VIM: variants seen among roughly 807,000 people sequenced by gnomAD.
VIM encodes the protein epididymis secretory sperm binding protein.
In VIM, 18 loss-of-function variants were observed where a neutral mutation model predicts 50.3. The ratio of observed to expected loss-of-function variants is 0.36; its 90% CI spans 0.25 to 0.53. VIM has a LOEUF of 0.53. Among genes scored for constraint, VIM ranks in the 20% least tolerant of loss-of-function variants. VIM has a pLI of 0.91. For missense variants in VIM, 551 were observed against 614.7 expected, an observed-to-expected ratio of 0.90 and a Z score of 1.10; for synonymous variants, 245 against 248.5, an observed-to-expected ratio of 0.99 and a Z score of 0.13.
In VIM at chr10:17,235,381, G is replaced by A. The variant is rs150986868; in HGVS notation, c.1221G>A (p.Glu407=). ...IATYRKLLEG[E]ESRISLPLPN... ...CCTACAGGAAGCTGCTGGAAGGCGAGGAGAGCAGGTAGGGAACTCAGACTT... is the reference window on the plus strand; with the variant it reads ...CCTACAGGAAGCTGCTGGAAGGCGAAGAGAGCAGGTAGGGAACTCAGACTT... Residue 407 remains glutamate, a synonymous_variant, in exon 7 of 10, where the codon GAG becomes GAA. Coordinates refer to ENST00000544301, the MANE Select transcript of VIM (RefSeq NM_003380.5). 138 of 1,614,000 alleles carry A rather than the reference G, an allele frequency of 8.6e-5. No individual in the cohort carries two copies. The highest frequency in any genetic ancestry group is 1.7e-4 in the Middle Eastern group (1 of 6,002).
rs1846735041 is a variant in VIM at position 17,229,293 on chromosome 10, T to C, written c.-130T>C. ...GGGTCCAGTCCTCTGCCACTCTCGC[T>C]CCGAGGTCCCCGCGCCAGAGACGCA... On this transcript the variant is annotated 5_prime_UTR_variant, in exon 2 of 10. Transcript: ENST00000544301. The C allele has an allele frequency of 3.1e-6, 3 of 977,668 alleles. No homozygotes were observed. The highest frequency in any genetic ancestry group is 2.1e-5 in the Admixed American group (1 of 46,912). 60.6% of individuals were successfully genotyped at this position (977,668 alleles called of 1,614,324 possible).
intron 5 of VIM, 139 bp from the exon 6 acceptor site, chr10:17,234,554 A>G: frequency 8.0e-7 from 1 of 1,246,144 alleles, no homozygotes; most frequent in Non-Finnish European, 1.1e-6. Context: ...TCAGTACTCC[A>G]CTGCTCTTTC....
At position 17,229,323 on chromosome 10, in the gene VIM, C is replaced by T; in HGVS notation, c.-100C>T. On this transcript the variant is annotated 5_prime_UTR_variant, in exon 2 of 10. Coordinates refer to ENST00000544301, the MANE Select transcript of VIM (RefSeq NM_003380.5). The stretch of plus-strand genomic sequence containing the variant: ...GGTCCCCGCGCCAGAGACGCAGCCG[C>T]GCTCCCACCACCCACACCCACCGCG... The T allele has an allele frequency of 7.8e-7, 1 of 1,275,244 alleles. No individual in the cohort carries two copies. Among genetic ancestry groups the T allele is most frequent in the Non-Finnish European group, 1.1e-6 (1 of 917,446 alleles). The allele number at this position is 1,275,244 out of a possible 1,614,324, so 79.0% of individuals were successfully genotyped here. A position where few individuals can be genotyped will look rare whatever the true frequency, so the allele number is the denominator to read the frequency against.
At position 17,229,920 on chromosome 10, in the gene VIM, C is replaced by G. The variant is rs774888281; in HGVS notation, c.498C>G (p.Asn166Lys). The change falls in exon 2 of 10, where the codon AAC (asparagine) becomes AAG (lysine). Residue 166 changes from asparagine (N) to lysine (K), a missense_variant. This residue lies in a region of VIM where 394 missense variants were observed against 437.5 expected (regional missense o/e 0.90). Coordinates refer to ENST00000544301, the MANE Select transcript of VIM (RefSeq NM_003380.5). ...GCCGGCAGGTGGACCAGCTAACCAA[C>G]GACAAAGCCCGCGTCGAGGTGGAGC... ...ELRRQVDQLTNDKARVEVERD... is the reference protein window; with the variant it reads ...ELRRQVDQLTKDKARVEVERD... 5 of 1,612,854 alleles carry G rather than the reference C, an allele frequency of 3.1e-6. No individual in the cohort carries two copies. The highest frequency in any genetic ancestry group is 4.2e-6 in the Non-Finnish European group (5 of 1,179,862).
rs543289845 is a variant in VIM at position 17,237,549 on chromosome 10, A to T, written c.*278A>T. The T allele has an allele frequency of 2.7e-6, 1 of 371,338 alleles. No homozygotes were observed. 23.0% of individuals were successfully genotyped at this position (371,338 alleles called of 1,614,324 possible). On this transcript the variant is annotated 3_prime_UTR_variant, in exon 10 of 10. Coordinates refer to ENST00000544301, the MANE Select transcript of VIM (RefSeq NM_003380.5). ...AACTGCTTTTTTTTTTCCAGCAAGTATCCAACCAACTTGGTTCTGCTTCAA... is the reference window on the plus strand; with the variant it reads ...AACTGCTTTTTTTTTTCCAGCAAGTTTCCAACCAACTTGGTTCTGCTTCAA...
In VIM at chr10:17,229,613, G is replaced by A. The variant is rs1474263020; in HGVS notation, c.191G>A (p.Arg64His). 1.3e-6 allele frequency: 2 copies of A among 1,597,642 alleles called. No homozygotes were observed. The highest frequency in any genetic ancestry group is 1.7e-6 in the Non-Finnish European group (2 of 1,172,772). ...ASSPGGVYAT[R>H]SSAVRLRSSV... ...TCCCCGGGCGGCGTGTATGCCACGC[G>A]CTCCTCTGCCGTGCGCCTGCGGAGC... Residue 64 changes from arginine (R) to histidine (H), a missense_variant, in exon 2 of 10, where the codon CGC becomes CAC. Physicochemically the swap from Arg to His is conservative, Grantham distance 29. Transcript: ENST00000544301.
intron 2 of VIM, 166 bp downstream of exon 2, chr10:17,230,151 C>G: frequency 1.2e-6 from 1 of 862,496 alleles, no homozygotes; most frequent in South Asian, 1.8e-5. Flanking sequence ...GTGGCGCAGC[C>G]CCGCCCAGAA....
At chr10:17,231,545 G>T (rs1025970322) in intron 3 of VIM, among the ~76,000 whole-genome samples, 3 of 152,154 alleles carry the variant, frequency 2.0e-5, no homozygotes, top group African/African-American at 7.2e-5. Context: ...ATGTAAGCAC[G>T]GTTCTAATTG....
intron 1 of VIM, chr10:17,229,065 A>G (rs1309819826): frequency 2.6e-5 from 10 of 389,310 alleles, no homozygotes; most frequent in Non-Finnish European, 4.7e-5. Context: ...AAAGCCCCCA[A>G]AAGTCCCAGC....
chr10:17,235,656 G>C (rs1234039860), intron 7 of VIM, 190 bp from the exon 8 acceptor site: 13 of 711,220 alleles, frequency 1.8e-5, no homozygotes, highest in Non-Finnish European at 4.8e-6. Context: ...TGGAGAAAAT[G>C]CTTGTAGTAA....
At chr10:17,236,100 A>G in intron 8 of VIM, 194 bp from the exon 9 acceptor site, 1 of 713,934 alleles carries the variant, frequency 1.4e-6, no homozygotes, top group Admixed American at 2.4e-5. Flanking sequence ...TGCTGCAAGT[A>G]CTATCTCATC....
At chr10:17,230,022 A>C (rs1407859058) in intron 2 of VIM, 37 bp downstream of exon 2, 1 of 1,569,274 alleles carries the variant, frequency 6.4e-7, no homozygotes. Flanking sequence ...GGGCCTCGGG[A>C]GGGGGCTGGA....
intron 2 of VIM, chr10:17,230,352 G>T: frequency 1.8e-6 from 1 of 570,852 alleles, no homozygotes; most frequent in South Asian, 2.0e-5. Flanking sequence ...TCACCGGGCG[G>T]GAGAAGGAAG....
intron 2 of VIM, 91 bp from the exon 3 acceptor site, chr10:17,230,542 TGGCGCAGCTGCTCTGGA>T: frequency 1.6e-6 from 2 of 1,257,292 alleles, no homozygotes; most frequent in South Asian, 2.4e-5. Context: ...TGCGCGGAGG[TGGCGCAGCTGCTCTGGA>T]GGCGCAGAGC....
Position 17,236,392 on chromosome 10 carries a change from T to C in VIM, c.1359+13T>C. ...TAGAGATGGACAGGTTGGTATCTTTTAAGGAAAAAATAGGGTAATCTCAGA... is the reference window on the plus strand; with the variant it reads ...TAGAGATGGACAGGTTGGTATCTTTCAAGGAAAAAATAGGGTAATCTCAGA... On this transcript the variant is annotated intron_variant, in intron 9 of 9. Coordinates refer to ENST00000544301, the MANE Select transcript of VIM (RefSeq NM_003380.5). 1.3e-6 allele frequency: 2 copies of C among 1,594,844 alleles called. No homozygotes were observed. Among genetic ancestry groups the C allele is most frequent in the Non-Finnish European group, 1.7e-6 (2 of 1,162,654 alleles).
At position 17,236,329 on chromosome 10, in the gene VIM, C is replaced by T; in HGVS notation, c.1309C>T (p.His437Tyr). Residue 437 changes from histidine (H) to tyrosine (Y), a missense_variant, in exon 9 of 10, where the codon CAC (histidine) becomes TAC (tyrosine). His to Tyr is a moderately conservative substitution (Grantham distance 83). Coordinates refer to ENST00000544301, the MANE Select transcript of VIM (RefSeq NM_003380.5). The stretch of plus-strand genomic sequence containing the variant: ...GGATTCACTCCCTCTGGTTGATACC[C>T]ACTCAAAAAGGACACTTCTGATTAA... ...NLDSLPLVDT[H>Y]SKRTLLIKTV... is the part of the protein sequence containing the mutation. 6.2e-7 allele frequency: 1 copy of T among 1,613,814 alleles called. No individual in the cohort carries two copies. The highest frequency in any genetic ancestry group is 8.5e-7 in the Non-Finnish European group (1 of 1,179,810).
intron 7 of VIM, 70 bp from the exon 8 acceptor site, chr10:17,235,776 G>C: frequency 1.4e-6 from 2 of 1,435,278 alleles, no homozygotes; most frequent in Middle Eastern, 3.5e-4. Context: ...AACAAAAAGT[G>C]TGTTAATTTG....
At chr10:17,235,447 C>G in intron 7 of VIM, 58 bp downstream of exon 7, 3 of 1,538,502 alleles carry the variant, frequency 1.9e-6, no homozygotes, top group Non-Finnish European at 2.7e-6. Context: ...AGGCCCTGTG[C>G]CACTGGGCTC....
rs149877463 is a variant in VIM at position 17,232,439 on chromosome 10, C to T, written c.625-1148C>T. Among the ~76,000 whole-genome samples the T allele has an allele frequency of 6.5e-3, 996 of 152,300 alleles. 3 individuals are homozygous for T. Among genetic ancestry groups the T allele is most frequent in the Non-Finnish European group, 0.012 (814 of 68,036 alleles). ...CTTTTTAAATGGAAATATAGAAGGACGGCTGAATCAGCAAAAATCCTTTAT... is the reference window on the plus strand; with the variant it reads ...CTTTTTAAATGGAAATATAGAAGGATGGCTGAATCAGCAAAAATCCTTTAT... On this transcript the variant is annotated intron_variant, in intron 3 of 9. Transcript: ENST00000544301.
Sources: gnomAD v4.1 joint callset for allele counts (sites outside exome capture counted in the v4.1 genomes callset) on GRCh38, gnomAD v4.1.1 for gene constraint, gnomAD v4.1.1 regional missense constraint, MANE v1.5 for transcripts, NCBI Gene and HGNC (gene_info 2026-07-23, HGNC 2026-07-21) for gene names.